Variants in FMO5 observed in about 807,000 individuals in gnomAD.
FMO5 encodes flavin-containing monooxygenase 5.
Under a neutral mutation model 43.6 loss-of-function variants are expected in FMO5, and 51 were observed. The observed-to-expected ratio is 1.17, with a 90% CI of 0.93 to 1.48. FMO5 has a LOEUF of 1.48. Among genes scored for constraint, FMO5 ranks in the 40% most tolerant of loss-of-function variants. The pLI is 0.00. For missense variants in FMO5, 644 were observed against 643.0 expected (o/e 1.00, Z -0.02); for synonymous variants, 187 against 216.5 (o/e 0.86, Z 1.20).
intron 7 of FMO5, among the ~76,000 whole-genome samples, chr1:147,191,603 G>T (rs1571162755): frequency 6.6e-6 from 1 of 151,726 alleles, no homozygotes; most frequent in Non-Finnish European, 1.5e-5. Flanking sequence ...CAGATGAGTA[G>T]GTTGTGAAAA....
upstream of FMO5, chr1:147,225,413 G>C (rs781931338): frequency 3.1e-5 from 6 of 191,874 alleles, no homozygotes; most frequent in Non-Finnish European, 5.5e-5. Flanking sequence ...AGGGGCTGTA[G>C]CACTCCACCT....
chr1:147,215,682 G>A (rs1571372740), intron 3 of FMO5, 72 bp downstream of exon 3: 4 of 1,127,344 alleles, frequency 3.5e-6, no homozygotes, highest in Admixed American at 4.4e-5. Context: ...GTAAACATTG[G>A]TAACTGAAAC....
chr1:147,212,212 C>T (rs1415392079), intron 5 of FMO5, among the ~76,000 whole-genome samples, 181 bp downstream of exon 5: 1 of 152,194 alleles, frequency 6.6e-6, no homozygotes, highest in Non-Finnish European at 1.5e-5. Context: ...AGCCTTAACT[C>T]CTCTATTAGC....
Position 147,212,435 on chromosome 1 carries a change from A to G in FMO5, c.588T>C (p.Ser196=). ...TAATCTCTACAGCCAGATCCCCTCC[A>G]GAATTCCCAATGCCAATTATAATGA... ...KRVIIIGIGN[S]GGDLAVEISQ... Residue 196 remains serine, a synonymous_variant, in exon 5 of 9, where the codon TCT becomes TCC. Transcript: ENST00000254090. 9 of 1,614,146 alleles carry G rather than the reference A, an allele frequency of 5.6e-6. No individual in the cohort carries two copies. Among genetic ancestry groups the G allele is most frequent in the Non-Finnish European group, 7.6e-6 (9 of 1,179,974 alleles).
chr1:147,225,826 G>C (rs746474369), upstream of FMO5: 1 of 152,182 alleles, frequency 6.6e-6, no homozygotes. Context: ...TTATTCGGCC[G>C]GGAGCGTCGG....
At chr1:147,194,678 C>G (rs1657617220) in intron 7 of FMO5, among the ~76,000 whole-genome samples, 1 of 152,094 alleles carries the variant, frequency 6.6e-6, no homozygotes, top group Non-Finnish European at 1.5e-5. Flanking sequence ...GTGCTTCCTT[C>G]AGGAGCTCTT....
In FMO5 at chr1:147,186,678, T is replaced by A. The variant is rs1421034633; in HGVS notation, c.*222A>T. The A allele has an allele frequency of 7.3e-7, 1 of 1,365,186 alleles. No individual in the cohort carries two copies. The highest frequency in any genetic ancestry group is 2.8e-5 in the East Asian group (1 of 35,806). 84.6% of individuals were successfully genotyped at this position (1,365,186 alleles called of 1,614,324 possible). Reference sequence around the variant, plus strand: ...GTACCTGAGCTCCCAGTCTAGGGATTACCACAAGGAAGAGTGACGGATCAT... The same window carrying A: ...GTACCTGAGCTCCCAGTCTAGGGATAACCACAAGGAAGAGTGACGGATCAT... On this transcript the variant is annotated 3_prime_UTR_variant, in exon 9 of 9. Transcript: ENST00000254090.
chr1:147,198,573 G>A (rs1237739395), intron 7 of FMO5, among the ~76,000 whole-genome samples: 2 of 151,708 alleles, frequency 1.3e-5, no homozygotes, highest in African/African-American at 2.4e-5. Context: ...GCCTGAGGCC[G>A]GGTACAGTGA....
intron 6 of FMO5, among the ~76,000 whole-genome samples, chr1:147,205,519 C>A (rs1659830472): frequency 6.6e-6 from 1 of 152,062 alleles, no homozygotes; most frequent in Non-Finnish European, 1.5e-5. Flanking sequence ...CAAAACAATG[C>A]CTTGGGTTCT....
In FMO5 at chr1:147,186,683, C is replaced by T. The variant is rs1655670395; in HGVS notation, c.*217G>A. The T allele has an allele frequency of 7.3e-7, 1 of 1,373,324 alleles. No homozygotes were observed. The highest frequency in any genetic ancestry group is 1.5e-5 in the African/African-American group (1 of 66,158). The allele number at this position is 1,373,324 out of a possible 1,614,324, so 85.1% of individuals were successfully genotyped here. ...TGAGCTCCCAGTCTAGGGATTACCA[C>T]AAGGAAGAGTGACGGATCATGAGTG... On this transcript the variant is annotated 3_prime_UTR_variant, in exon 9 of 9. Transcript: ENST00000254090.
At chr1:147,203,805 G>A (rs781792859) in intron 6 of FMO5, 109 of 1,548,538 alleles carry the variant, frequency 7.0e-5, no homozygotes, top group Admixed American at 1.2e-4. Context: ...GAGCCCCGAA[G>A]TACTATGGTA....
chr1:147,194,324 T>G (rs1553919245), intron 7 of FMO5, among the ~76,000 whole-genome samples: 13 of 152,138 alleles, frequency 8.5e-5, no homozygotes. Flanking sequence ...AGACTAGGAT[T>G]GCAACCCCTG....
chr1:147,193,386 G>T (rs1657291255), intron 7 of FMO5, among the ~76,000 whole-genome samples: 1 of 151,948 alleles, frequency 6.6e-6, no homozygotes, highest in Non-Finnish European at 1.5e-5. Flanking sequence ...GCATCTATTT[G>T]ATTCTTCTCT....
At chr1:147,203,919 G>A in intron 6 of FMO5, 3 of 1,523,986 alleles carry the variant, frequency 2.0e-6, no homozygotes, top group Non-Finnish European at 2.7e-6. Context: ...TCAAGGACAG[G>A]AGGTGTCAAT....
At chr1:147,215,972 C>T (rs1327782419) in intron 2 of FMO5, 30 bp from the exon 3 acceptor site, 8 of 1,524,648 alleles carry the variant, frequency 5.2e-6, no homozygotes, top group Non-Finnish European at 7.1e-6. Flanking sequence ...TTCATAGCAA[C>T]TTGAGGATCA....
At chr1:147,210,633 C>T (rs1031167594) in intron 5 of FMO5, 8 of 152,046 alleles carry the variant, frequency 5.3e-5, no homozygotes, top group African/African-American at 1.2e-4. Flanking sequence ...GTAATGAAAA[C>T]GCTCAGAGCC....
intron 7 of FMO5, among the ~76,000 whole-genome samples, chr1:147,196,784 C>T (rs1658091045): frequency 6.6e-6 from 1 of 152,064 alleles, no homozygotes; most frequent in South Asian, 2.1e-4. Flanking sequence ...AATGAATGGC[C>T]TCAACACCTG....
chr1:147,209,119 T>C (rs1450714030), intron 5 of FMO5, 68 bp from the exon 6 acceptor site: 1 of 1,406,880 alleles, frequency 7.1e-7, no homozygotes, highest in Non-Finnish European at 9.9e-7. Flanking sequence ...CACCCCCATT[T>C]TCTTCAAGAA....
intron 3 of FMO5, among the ~76,000 whole-genome samples, chr1:147,214,586 C>T (rs1661661674): frequency 6.6e-6 from 1 of 151,998 alleles, no homozygotes; most frequent in African/African-American, 2.4e-5. Flanking sequence ...CCTTTTATTC[C>T]TTATTTGGTA....
Sources: allele counts gnomAD v4.1 joint callset (sites outside exome capture counted in the v4.1 genomes callset), GRCh38; gene constraint gnomAD v4.1.1; transcripts MANE v1.5; gene names NCBI Gene and HGNC (gene_info 2026-07-23, HGNC 2026-07-21).